Variants in ARHGEF18 observed in about 807,000 individuals in gnomAD.
ARHGEF18 encodes the protein Rho/Rac guanine nucleotide exchange factor 18.
A neutral mutation model predicts 155.7 loss-of-function variants in ARHGEF18; 93 were observed. The observed-to-expected ratio is 0.60, with a 90% CI of 0.50 to 0.71. The LOEUF (loss-of-function observed/expected upper bound fraction) is 0.71. Ranked by LOEUF, ARHGEF18 falls within the 30% of genes least tolerant of loss-of-function variation. The pLI, the probability that ARHGEF18 is intolerant of heterozygous loss-of-function variation, is 0.00. For synonymous variants in ARHGEF18, 742 were observed against 753.1 expected, an observed-to-expected ratio of 0.99 and a Z score of 0.24; for missense variants, 1,593 against 1,816.1, an observed-to-expected ratio of 0.88 and a Z score of 2.23.
chr19:7,374,993 C>T (rs1333088468), intron 3 of ARHGEF18, among the ~76,000 whole-genome samples: 3 of 151,978 alleles, frequency 2.0e-5, no homozygotes, highest in Admixed American at 6.6e-5. Flanking sequence ...AAATTCAGGC[C>T]GGGTGCAGTG....
At chr19:7,426,807 G>T (rs148661336) in intron 10 of ARHGEF18, among the ~76,000 whole-genome samples, 1 of 152,172 alleles carries the variant, frequency 6.6e-6, no homozygotes, top group African/African-American at 2.4e-5. Flanking sequence ...CTTTTAGGAC[G>T]AGACTGGTCC....
downstream of ARHGEF18, among the ~76,000 whole-genome samples, chr19:7,474,165 C>G (rs967969482): frequency 3.3e-5 from 5 of 151,804 alleles, no homozygotes; most frequent in African/African-American, 1.2e-4. Flanking sequence ...ATGTTGAAAC[C>G]CCATCTCTAC....
chr19:7,380,441 C>T (rs564954083), intron 7 of ARHGEF18, among the ~76,000 whole-genome samples: 202 of 149,546 alleles, frequency 1.4e-3, no homozygotes, highest in Middle Eastern at 6.9e-3. Flanking sequence ...ATCGCACCAC[C>T]ACACTCCAGC....
chr19:7,386,711 A>G (rs973853853), intron 10 of ARHGEF18, among the ~76,000 whole-genome samples: 2 of 152,006 alleles, frequency 1.3e-5, no homozygotes, highest in African/African-American at 2.4e-5. Context: ...AGGTCACACA[A>G]ATGTGCATGC....
intron 20 of ARHGEF18, among the ~76,000 whole-genome samples, chr19:7,460,567 C>T (rs1976161450): frequency 6.6e-6 from 1 of 152,022 alleles, no homozygotes; most frequent in African/African-American, 2.4e-5. Context: ...TGCCCCAACC[C>T]TGGCAACAGG....
chr19:7,358,159 TTCCATCCA>T (rs72488503), intron 1 of ARHGEF18, among the ~76,000 whole-genome samples: 173 of 147,048 alleles, frequency 1.2e-3, no homozygotes, highest in Non-Finnish European at 2.1e-3. Context: ...CCATCCATCC[TTCCATCCA>T]TCCATCCATC....
chr19:7,414,404 C>A (rs77548987), intron 10 of ARHGEF18, among the ~76,000 whole-genome samples: 5,462 of 152,192 alleles, frequency 0.036, 298 homozygotes, highest in East Asian at 0.2. Context: ...GGGCCAGGCG[C>A]GGTGGCTGAT....
chr19:7,422,263 A>G (rs1477474338), intron 10 of ARHGEF18, among the ~76,000 whole-genome samples: 1 of 151,638 alleles, frequency 6.6e-6, no homozygotes, highest in Non-Finnish European at 1.5e-5. Context: ...CAGCATGTAA[A>G]ACGCCACGCA....
intron 8 of ARHGEF18, among the ~76,000 whole-genome samples, chr19:7,382,001 T>C (rs1970769563): frequency 6.6e-6 from 1 of 152,208 alleles, no homozygotes; most frequent in African/African-American, 2.4e-5. Context: ...GTCTGCCTTA[T>C]ATGTCACTGA....
At chr19:7,441,575 C>T (rs1269975973) in intron 11 of ARHGEF18, 78 bp from the exon 12 acceptor site, 4 of 1,075,674 alleles carry the variant, frequency 3.7e-6, no homozygotes, top group Admixed American at 1.7e-5. Flanking sequence ...ATGGAGTCAC[C>T]GATGTGCCTT....
chr19:7,406,898 A>AC (rs1367645618), intron 10 of ARHGEF18, among the ~76,000 whole-genome samples: 5 of 151,064 alleles, frequency 3.3e-5, no homozygotes, highest in Non-Finnish European at 7.4e-5. Flanking sequence ...ACTAAAAAAA[A>AC]ACAAAAAAAA....
chr19:7,404,010 G>T (rs532776627), intron 10 of ARHGEF18, among the ~76,000 whole-genome samples: 3 of 151,612 alleles, frequency 2.0e-5, no homozygotes, highest in Non-Finnish European at 4.4e-5. Flanking sequence ...GGAGGTTGTA[G>T]TCAGACGAGA....
At position 7,375,424 on chromosome 19, in the gene ARHGEF18, A is replaced by AAAGGAAGGAAGAAAAGGAAGGAAGG. The variant is rs1568277211; in HGVS notation, c.276-280_276-279insGAAGGAAGGAAGGAAGGAAGAAAAG. ...AAAGGAAGGAAGAAAAGGAAGGAAG[A>AAAGGAAGGAAGAAAAGGAAGGAAGG]AAGGAAGGAAGAAAAGAAAAGAAAG... On this transcript the variant is annotated intron_variant, in intron 3 of 28. Transcript: ENST00000668164. 6.4e-3 allele frequency among the ~76,000 whole-genome samples: 964 copies of AAAGGAAGGAAGAAAAGGAAGGAAGG among 150,846 alleles called. 17 individuals carry two copies. Among genetic ancestry groups the AAAGGAAGGAAGAAAAGGAAGGAAGG allele is most frequent in the African/African-American group, 0.021 (875 of 41,044 alleles).
At chr19:7,477,234 C>T (rs1447881976), downstream of ARHGEF18, 4 of 1,541,162 alleles carry the variant, frequency 2.6e-6, no homozygotes, top group Non-Finnish European at 3.5e-6. Context: ...TGGCCGCCGG[C>T]CCGGGCCGCC....
chr19:7,363,990 T>G (rs1600190389), intron 2 of ARHGEF18, among the ~76,000 whole-genome samples: 1 of 137,396 alleles, frequency 7.3e-6, no homozygotes, highest in African/African-American at 2.8e-5. Context: ...AGTAGAAGGG[T>G]GAGAGGAAGG....
chr19:7,402,388 C>T lies in ARHGEF18; in HGVS notation c.967+19185C>T, dbSNP rs575052704. Among the ~76,000 whole-genome samples, 9 of 152,306 alleles carry T rather than the reference C, an allele frequency of 5.9e-5. No homozygotes were observed. In the East Asian group the frequency reaches 1.5e-3, roughly 26 times the overall value. ...GAGCCGAGATCCTGCCACTGCACTTCAGCCTGGGCAACTGAGCGAGACTCT... is the reference window on the plus strand; with the variant it reads ...GAGCCGAGATCCTGCCACTGCACTTTAGCCTGGGCAACTGAGCGAGACTCT... On this transcript the variant is annotated intron_variant, in intron 10 of 28. Coordinates refer to ENST00000668164, the MANE Select transcript of ARHGEF18 (RefSeq NM_001367823.1).
chr19:7,466,152 G>A (rs961782930), intron 23 of ARHGEF18, among the ~76,000 whole-genome samples: 2 of 152,072 alleles, frequency 1.3e-5, no homozygotes, highest in Admixed American at 1.3e-4. Context: ...GGGAAGCCAA[G>A]GCAGGTGGAT....
intron 15 of ARHGEF18, among the ~76,000 whole-genome samples, chr19:7,449,348 C>T (rs960337384): frequency 9.9e-5 from 15 of 151,948 alleles, no homozygotes; most frequent in Non-Finnish European, 1.5e-4. Flanking sequence ...CCAAGGCAGG[C>T]GGATCACTTG....
chr19:7,350,606 G>A (rs943277725), intron 1 of ARHGEF18, among the ~76,000 whole-genome samples: 10 of 152,180 alleles, frequency 6.6e-5, no homozygotes, highest in African/African-American at 1.7e-4. Context: ...ATGGGCATAT[G>A]TTGATGCTCG....
Sources: allele counts gnomAD v4.1 joint callset (sites outside exome capture counted in the v4.1 genomes callset), GRCh38; gene constraint gnomAD v4.1.1; transcripts MANE v1.5; gene names NCBI Gene and HGNC (gene_info 2026-07-23, HGNC 2026-07-21).